PCDHA8: variants seen among roughly 807,000 people sequenced by gnomAD.
The protein encoded by PCDHA8 is protocadherin alpha 8, also known as protocadherin alpha-8.
A neutral mutation model predicts 61.8 loss-of-function variants in PCDHA8; 53 were observed. The ratio of observed to expected loss-of-function variants is 0.86; its 90% CI spans 0.69 to 1.08. The LOEUF is 1.08. Among genes scored for constraint, PCDHA8 ranks in the 50% least tolerant of loss-of-function variants. The pLI is 0.00. For synonymous variants in PCDHA8, 618 were observed against 556.6 expected, an observed-to-expected ratio of 1.11 and a Z score of -1.55; for missense variants, 1,293 against 1,245.0, an observed-to-expected ratio of 1.04 and a Z score of -0.58.
chr5:140,967,786 G>A, intron 1 of PCDHA8: 1 of 1,614,216 alleles, frequency 6.2e-7, no homozygotes, highest in East Asian at 2.2e-5. Context: ...CGACTGACCG[G>A]GGTCCAGTGC....
In PCDHA8 at chr5:140,841,596, G is replaced by A. The variant is rs782464159; in HGVS notation, c.275G>A (p.Arg92His). 1 of 1,614,094 alleles carries A rather than the reference G, an allele frequency of 6.2e-7. No homozygotes were observed. The highest frequency in any genetic ancestry group is 8.5e-7 in the Non-Finnish European group (1 of 1,180,016). Reference sequence around the variant, plus strand: ...TTGTTTGTGAATTCTCGGATCGACCGCGAGGAGCTGTGCGGGCGGAGCGCG... The same window carrying A: ...TTGTTTGTGAATTCTCGGATCGACCACGAGGAGCTGTGCGGGCGGAGCGCG... Reference protein sequence around the residue: ...GILFVNSRIDREELCGRSAEC... With the variant: ...GILFVNSRIDHEELCGRSAEC... Residue 92 changes from arginine to histidine, a missense_variant, in exon 1 of 4, where the codon CGC becomes CAC. Transcript: ENST00000531613.
Position 140,841,276 on chromosome 5 carries a change from T to A in PCDHA8, c.-46T>A. The A allele has an allele frequency of 4.5e-5, 67 of 1,485,756 alleles. No homozygotes were observed. Among genetic ancestry groups the A allele is most frequent in the Middle Eastern group, 1.8e-4 (1 of 5,416 alleles). 92.0% of individuals were successfully genotyped at this position (1,485,756 alleles called of 1,614,324 possible). On this transcript the variant is annotated 5_prime_UTR_variant, in exon 1 of 4. Transcript: ENST00000531613. ...AAGACTCTGAAAGTACAGTCGTTCA[T>A]CTTTATATTAAGATAATATTTTCTG...
At chr5:140,875,377 A>G in intron 1 of PCDHA8, 1 of 1,457,802 alleles carries the variant, frequency 6.9e-7, no homozygotes, top group Non-Finnish European at 9.0e-7. Context: ...TTTACTAAAT[A>G]TGTACTTACA....
intron 1 of PCDHA8, among the ~76,000 whole-genome samples, chr5:140,892,143 C>T (rs983937899): frequency 3.3e-5 from 5 of 152,262 alleles, no homozygotes; most frequent in African/African-American, 9.6e-5. Flanking sequence ...ATGGTTTTAG[C>T]GTCTATTTCT....
intron 3 of PCDHA8, among the ~76,000 whole-genome samples, chr5:141,005,089 A>C (rs1554259886): frequency 6.6e-6 from 1 of 152,244 alleles, no homozygotes; most frequent in Non-Finnish European, 1.5e-5. Context: ...TTAGTACTTT[A>C]CATGCATTAC....
At chr5:140,866,639 A>G (rs782198143) in intron 1 of PCDHA8, 1 of 152,148 alleles carries the variant, frequency 6.6e-6, no homozygotes, top group Non-Finnish European at 1.5e-5. Flanking sequence ...CAACGGTGTC[A>G]AAATTTATTT....
chr5:140,877,401 G>T (rs183471635), intron 1 of PCDHA8: 1 of 1,613,944 alleles, frequency 6.2e-7, no homozygotes, highest in East Asian at 2.2e-5. Flanking sequence ...CGGACGCTCC[G>T]CGCCACCGCC....
intron 1 of PCDHA8, chr5:140,967,013 G>A: frequency 1.9e-6 from 3 of 1,606,874 alleles, no homozygotes; most frequent in Non-Finnish European, 2.5e-6. Flanking sequence ...CAACCATCTG[G>A]GTGCGCCCAG....
intron 1 of PCDHA8, among the ~76,000 whole-genome samples, chr5:140,886,732 A>C (rs1457707116): frequency 3.9e-5 from 6 of 151,952 alleles, no homozygotes; most frequent in Non-Finnish European, 8.8e-5. Flanking sequence ...AGGCTGAAGC[A>C]AGAGAATTGC....
chr5:140,945,079 T>C (rs1554216701), intron 1 of PCDHA8, among the ~76,000 whole-genome samples: 1 of 152,126 alleles, frequency 6.6e-6, no homozygotes, highest in South Asian at 2.1e-4. Context: ...ACCAAAACAC[T>C]CTTGGAACTA....
chr5:140,979,797 C>T (rs1253949980), intron 2 of PCDHA8, among the ~76,000 whole-genome samples: 1 of 152,154 alleles, frequency 6.6e-6, no homozygotes, highest in African/African-American at 2.4e-5. Flanking sequence ...AACAAATGAT[C>T]ACAACTATCA....
chr5:140,982,354 A>G, intron 2 of PCDHA8, 121 bp from the exon 3 acceptor site: 2 of 1,512,522 alleles, frequency 1.3e-6, no homozygotes, highest in East Asian at 2.4e-5. Flanking sequence ...CAGTTCAAGC[A>G]TGAGCAGAAT....
rs1778112450 is a variant in PCDHA8, at chr5:140,842,587, G to A, written c.1266G>A (p.Glu422=). 1 of 1,529,428 alleles carries A rather than the reference G, an allele frequency of 6.5e-7. No individual in the cohort carries two copies. Among genetic ancestry groups the A allele is most frequent in the Non-Finnish European group, 8.9e-7 (1 of 1,123,482 alleles). 94.7% of individuals were successfully genotyped at this position (1,529,428 alleles called of 1,614,324 possible). The part of the protein sequence containing the change: ...ALDRERVSAY[E]LVVTARDGGS... Reference sequence around the variant, plus strand: ...ACCGCGAGAGAGTGTCGGCCTATGAGTTGGTGGTAACCGCGCGGGACGGGG... The same window carrying A: ...ACCGCGAGAGAGTGTCGGCCTATGAATTGGTGGTAACCGCGCGGGACGGGG... Residue 422 remains glutamate (E), a synonymous_variant, in exon 1 of 4, where the codon GAG becomes GAA. Transcript: ENST00000531613.
intron 1 of PCDHA8, among the ~76,000 whole-genome samples, chr5:140,942,360 G>A (rs782168150): frequency 4.0e-5 from 6 of 151,816 alleles, no homozygotes; most frequent in Admixed American, 3.3e-4. Context: ...TGCAGTTAAC[G>A]GAGATTGCAC....
chr5:140,850,349 G>A (rs2150480668), intron 1 of PCDHA8: 3 of 1,597,844 alleles, frequency 1.9e-6, no homozygotes, highest in Non-Finnish European at 1.7e-6. Flanking sequence ...CGGCCAGCGC[G>A]AGCATCCCGT....
chr5:140,984,042 T>C (rs2097082521), intron 3 of PCDHA8, among the ~76,000 whole-genome samples: 1 of 152,148 alleles, frequency 6.6e-6, no homozygotes, highest in Non-Finnish European at 1.5e-5. Flanking sequence ...ATAAAATAGT[T>C]CATTGACAAA....
intron 1 of PCDHA8, chr5:140,967,572 A>T (rs782502082): frequency 4.3e-6 from 7 of 1,613,544 alleles, no homozygotes; most frequent in Middle Eastern, 3.3e-4. Flanking sequence ...CTACGGGAGG[A>T]CTCACCCCCA....
intron 1 of PCDHA8, among the ~76,000 whole-genome samples, chr5:140,955,667 T>C (rs1485421057): frequency 6.6e-6 from 1 of 152,188 alleles, no homozygotes; most frequent in Admixed American, 6.5e-5. Flanking sequence ...AATTTTAACA[T>C]AGTTTTTTCG....
intron 1 of PCDHA8, among the ~76,000 whole-genome samples, chr5:140,973,646 A>C (rs1413605589): frequency 1.3e-5 from 2 of 152,216 alleles, no homozygotes; most frequent in African/African-American, 4.8e-5. Flanking sequence ...TTCTGACTGA[A>C]GAAGAAATCT....
Sources: allele counts gnomAD v4.1 joint callset (sites outside exome capture counted in the v4.1 genomes callset), GRCh38; gene constraint gnomAD v4.1.1; transcripts MANE v1.5; gene names NCBI Gene and HGNC (gene_info 2026-07-23, HGNC 2026-07-21).